The following CAMTA1 variants were observed in gnomAD, a reference collection of about 807,000 sequenced individuals.
CAMTA1 encodes the protein calmodulin-binding transcription activator 1.
Under a neutral mutation model 170.9 loss-of-function variants are expected in CAMTA1, and 27 were observed. The ratio of observed to expected loss-of-function variants is 0.16; its 90% confidence interval spans 0.12 to 0.22. The LOEUF (loss-of-function observed/expected upper bound fraction) is 0.22. CAMTA1 is among the 10% of genes least tolerant of loss of function. The pLI, the probability that CAMTA1 is intolerant of heterozygous loss-of-function variation, is 1.00. For missense variants in CAMTA1, 1,619 were observed against 2,217.2 expected (o/e 0.73, Z 5.42); for synonymous variants, 833 against 891.5 (o/e 0.93, Z 1.17).
intron 1 of CAMTA1, among the ~76,000 whole-genome samples, chr1:6,805,154 G>A (rs768330034): frequency 4.6e-5 from 7 of 152,194 alleles, no homozygotes; most frequent in Non-Finnish European, 1.0e-4. Flanking sequence ...GCAAGTATGA[G>A]AGTTGTAATT....
At chr1:6,792,976 G>A (rs1641537933) in intron 1 of CAMTA1, among the ~76,000 whole-genome samples, 2 of 151,962 alleles carry the variant, frequency 1.3e-5, no homozygotes, top group South Asian at 4.2e-4. Flanking sequence ...GAGACTAAGT[G>A]GCAAAGGTCT....
At chr1:7,694,652 G>T (rs2096355509) in intron 11 of CAMTA1, 1 of 152,544 alleles carries the variant, frequency 6.6e-6, no homozygotes, top group Non-Finnish European at 1.5e-5. Context: ...GCTGTGCGGG[G>T]TTGTAAACGG....
At chr1:7,199,162 C>T (rs1231753849) in intron 4 of CAMTA1, among the ~76,000 whole-genome samples, 2 of 152,156 alleles carry the variant, frequency 1.3e-5, no homozygotes, top group African/African-American at 2.4e-5. Context: ...TGATGCCCCC[C>T]CCAACTCCTG....
intron 3 of CAMTA1, among the ~76,000 whole-genome samples, chr1:6,938,429 G>C (rs1685837057): frequency 6.6e-6 from 1 of 152,136 alleles, no homozygotes; most frequent in Non-Finnish European, 1.5e-5. Context: ...GGGGAGCAAA[G>C]GGGAGGTGCC....
At chr1:6,924,212 C>G (rs7414812) in intron 3 of CAMTA1, among the ~76,000 whole-genome samples, 76,441 of 152,102 alleles carry the variant, frequency 0.5, 19,996 homozygotes, top group Non-Finnish European at 0.59. Context: ...CCTCCCTGCT[C>G]TCTTGGCGCT....
At chr1:6,905,294 A>C (rs1457456930) in intron 3 of CAMTA1, among the ~76,000 whole-genome samples, 1 of 146,472 alleles carries the variant, frequency 6.8e-6, no homozygotes, top group Non-Finnish European at 1.5e-5. Context: ...CCCGGGTTCG[A>C]GCAATTCTCC....
intron 3 of CAMTA1, among the ~76,000 whole-genome samples, chr1:6,973,054 G>A (rs904909271): frequency 3.3e-5 from 5 of 152,162 alleles, no homozygotes; most frequent in East Asian, 1.9e-4. Flanking sequence ...GTTTTGTCAC[G>A]TTGGCCAGGC....
In CAMTA1 at chr1:6,900,424, G is replaced by A. The variant is rs184992409; in HGVS notation, c.234+75214G>A. 2.0e-3 allele frequency among the ~76,000 whole-genome samples: 297 copies of A among 152,072 alleles called. 1 individual carries two copies. The highest frequency in any genetic ancestry group is 6.9e-3 in the African/African-American group (286 of 41,500). On this transcript the variant is annotated intron_variant, in intron 3 of 22. Coordinates refer to ENST00000303635, the MANE Select transcript of CAMTA1 (RefSeq NM_015215.4). ...CAGAATTCTTAAGTTTTTTTTTCTGGAATTTTGGACACTTTCTAATAATTG... is the reference window on the plus strand; with the variant it reads ...CAGAATTCTTAAGTTTTTTTTTCTGAAATTTTGGACACTTTCTAATAATTG...
intron 4 of CAMTA1, among the ~76,000 whole-genome samples, chr1:7,163,370 G>T (rs144118268): frequency 4.6e-5 from 7 of 151,990 alleles, no homozygotes; most frequent in African/African-American, 1.7e-4. Flanking sequence ...TCATATGGAT[G>T]TTGAGGTCAT....
chr1:6,818,047 C>T (rs989892855), intron 1 of CAMTA1, among the ~76,000 whole-genome samples: 3 of 152,048 alleles, frequency 2.0e-5, no homozygotes, highest in African/African-American at 7.2e-5. Context: ...CATTTTTTGG[C>T]ATAAAAAACT....
At position 7,747,914 on chromosome 1, in the gene CAMTA1, T is replaced by C. The variant is rs1171812542; in HGVS notation, c.4689+133T>C. The C allele has an allele frequency of 1.2e-5, 7 of 571,186 alleles. No homozygotes were observed. In the Admixed American group the frequency reaches 2.5e-4, roughly 21 times the overall value. The allele number at this position is 571,186 out of a possible 1,614,324, so 35.4% of individuals were successfully genotyped here. A position where few individuals can be genotyped will look rare whatever the true frequency, so the allele number is the denominator to read the frequency against. Reference sequence around the variant, plus strand: ...TAATTTGTTTTTTGGTTGTTTTTTTTTTTTTATTTTTTTTTTGAAACGGAG... The same window carrying C: ...TAATTTGTTTTTTGGTTGTTTTTTTCTTTTTATTTTTTTTTTGAAACGGAG... On this transcript the variant is annotated intron_variant, in intron 19 of 22. Coordinates refer to ENST00000303635, the MANE Select transcript of CAMTA1 (RefSeq NM_015215.4).
At chr1:6,966,532 T>C (rs1691576121) in intron 3 of CAMTA1, among the ~76,000 whole-genome samples, 1 of 152,186 alleles carries the variant, frequency 6.6e-6, no homozygotes. Context: ...TTCCTTTTTA[T>C]GGCTGAGTAA....
At chr1:7,091,979 C>CG (rs1271121498) in intron 4 of CAMTA1, among the ~76,000 whole-genome samples, 1 of 152,308 alleles carries the variant, frequency 6.6e-6, no homozygotes, top group East Asian at 1.9e-4. Context: ...ATCTTGTGAA[C>CG]GGTGATGTTG....
At chr1:6,813,548 A>T (rs1369897190) in intron 1 of CAMTA1, among the ~76,000 whole-genome samples, 1 of 151,498 alleles carries the variant, frequency 6.6e-6, no homozygotes, top group East Asian at 1.9e-4. Flanking sequence ...AAATGAATAG[A>T]GGGATAAGGT....
intron 3 of CAMTA1, among the ~76,000 whole-genome samples, chr1:6,925,411 G>T (rs931904393): frequency 1.3e-5 from 2 of 152,228 alleles, no homozygotes; most frequent in African/African-American, 2.4e-5. Flanking sequence ...TCGCTTTCGA[G>T]GGGGAAAGGC....
chr1:6,835,562 C>T (rs758036942), intron 3 of CAMTA1, among the ~76,000 whole-genome samples: 7 of 152,196 alleles, frequency 4.6e-5, no homozygotes, highest in Non-Finnish European at 1.0e-4. Flanking sequence ...GTTTCTGTTC[C>T]AGTAGGTCCT....
intron 6 of CAMTA1, among the ~76,000 whole-genome samples, chr1:7,542,838 AGTGTGTGTGTGTGTGTGTGTGT>A (rs373719721): frequency 1.8e-5 from 1 of 56,002 alleles, no homozygotes; most frequent in Non-Finnish European, 4.0e-5. Flanking sequence ...CCTAAAACAC[AGTGTGTGTGTGTGTGTGTGTGT>A]GTGTGTGTGT....
In CAMTA1 at chr1:7,580,144, C is replaced by T. The variant is rs72867122; in HGVS notation, c.511-60256C>T. Among the ~76,000 whole-genome samples, 504 of 152,370 alleles carry T rather than the reference C, an allele frequency of 3.3e-3. 2 individuals are homozygous for T. Among genetic ancestry groups the T allele is most frequent in the African/African-American group, 0.012 (483 of 41,592 alleles). ...CCCTGCCCACAGCGGGCTCACAGTCCGAGAGGACACTGGTATGTGAACTGA... is the reference window on the plus strand; with the variant it reads ...CCCTGCCCACAGCGGGCTCACAGTCTGAGAGGACACTGGTATGTGAACTGA... On this transcript the variant is annotated intron_variant, in intron 6 of 22. Coordinates refer to ENST00000303635, the MANE Select transcript of CAMTA1 (RefSeq NM_015215.4). This position sits in a 1 kb window ranked among gnomAD's most constrained non-coding sequence, Gnocchi z 4.3.
intron 11 of CAMTA1, among the ~76,000 whole-genome samples, chr1:7,692,733 C>A (rs2096331423): frequency 6.6e-6 from 1 of 152,168 alleles, no homozygotes; most frequent in African/African-American, 2.4e-5. Flanking sequence ...CACCTCACCC[C>A]CAAACTGGGT....
Sources: gnomAD v4.1 joint callset for allele counts (sites outside exome capture counted in the v4.1 genomes callset) on GRCh38, gnomAD v4.1.1 for gene constraint, Gnocchi (gnomAD v3.1) non-coding constraint, MANE v1.5 for transcripts, NCBI Gene and HGNC (gene_info 2026-07-23, HGNC 2026-07-21) for gene names.